DACH1: variants seen among roughly 807,000 people sequenced by gnomAD.
The protein encoded by DACH1 is dachshund homolog 1.
A neutral mutation model predicts 54.2 loss-of-function variants in DACH1; 12 were observed. The ratio of observed to expected loss-of-function variants is 0.22; its 90% CI spans 0.14 to 0.36. DACH1 has a LOEUF of 0.36. Ranked by LOEUF, DACH1 falls within the 10% of genes least tolerant of loss-of-function variation. The pLI is 1.00. For synonymous variants in DACH1, 386 were observed against 366.2 expected (o/e 1.05, Z -0.62); for missense variants, 805 against 929.8 (o/e 0.87, Z 1.75).
intron 1 of DACH1, among the ~76,000 whole-genome samples, chr13:71,760,244 AG>A (rs1390943971): frequency 7.9e-5 from 12 of 152,186 alleles, no homozygotes; most frequent in Non-Finnish European, 1.6e-4. Context: ...TGCTGAGAGG[AG>A]GGGGTTCTTT....
chr13:71,866,526 TGCCGCCGCC>T lies in DACH1; in HGVS notation c.235_243del (p.Gly79_Gly81del), dbSNP rs748058171. Reference sequence around the variant, plus strand: ...CCGCTGCTGCCGCCGCCGCCTCCGCTGCCGCCGCCGCCGCCGCCGCCGCCGGTAGAGGTG... The same window carrying T: ...CCGCTGCTGCCGCCGCCGCCTCCGCTGCCGCCGCCGCCGCCGGTAGAGGTG... On this transcript the variant is annotated inframe_deletion, in exon 1 of 11. Coordinates refer to ENST00000613252, the MANE Select transcript of DACH1 (RefSeq NM_080759.6). The T allele has an allele frequency of 0.044, 53,801 of 1,233,878 alleles. 1,382 individuals are homozygous for T. Among genetic ancestry groups the T allele is most frequent in the Middle Eastern group, 0.08 (258 of 3,238 alleles). The allele number at this position is 1,233,878 out of a possible 1,614,324, so 76.4% of individuals were successfully genotyped here. A position where few individuals can be genotyped will look rare whatever the true frequency, so the allele number is the denominator to read the frequency against.
intron 6 of DACH1, among the ~76,000 whole-genome samples, chr13:71,492,887 C>A (rs1879103893): frequency 6.6e-6 from 1 of 151,826 alleles, no homozygotes; most frequent in Non-Finnish European, 1.5e-5. Context: ...AAACACAGTC[C>A]AAAATCAGCA....
At chr13:71,714,794 T>A (rs1210110199) in intron 1 of DACH1, among the ~76,000 whole-genome samples, 2 of 152,088 alleles carry the variant, frequency 1.3e-5, no homozygotes, top group Non-Finnish European at 2.9e-5. Context: ...AGAGAGATTT[T>A]TTAAAAATGT....
At chr13:71,642,106 C>A (rs1165085869) in intron 2 of DACH1, among the ~76,000 whole-genome samples, 1 of 152,140 alleles carries the variant, frequency 6.6e-6, no homozygotes, top group Non-Finnish European at 1.5e-5. Context: ...AGCAAATCTT[C>A]AATTTTCCTA....
At chr13:71,562,933 C>T (rs551413285) in intron 4 of DACH1, among the ~76,000 whole-genome samples, 1 of 152,008 alleles carries the variant, frequency 6.6e-6, no homozygotes, top group Non-Finnish European at 1.5e-5. Flanking sequence ...ATAGAGGATG[C>T]ATTTATAAGG....
chr13:71,471,351 C>A (rs1877054390), intron 10 of DACH1, among the ~76,000 whole-genome samples: 2 of 152,018 alleles, frequency 1.3e-5, no homozygotes, highest in South Asian at 2.1e-4. Flanking sequence ...GTGCACTGAA[C>A]TTTTGGGTCT....
chr13:71,630,807 T>C (rs1025703317), intron 2 of DACH1, 90 bp from the exon 3 acceptor site: 2 of 1,371,494 alleles, frequency 1.5e-6, no homozygotes, highest in African/African-American at 2.9e-5. Flanking sequence ...ATACAAACAT[T>C]TATTAGAGTA....
At chr13:71,628,211 T>C (rs1364046039) in intron 3 of DACH1, among the ~76,000 whole-genome samples, 2 of 152,008 alleles carry the variant, frequency 1.3e-5, no homozygotes, top group Non-Finnish European at 2.9e-5. Context: ...AATTCAGGAA[T>C]TGCTTTGATC....
intron 6 of DACH1, among the ~76,000 whole-genome samples, chr13:71,550,945 G>T (rs1190457362): frequency 6.6e-6 from 1 of 152,040 alleles, no homozygotes; most frequent in Non-Finnish European, 1.5e-5. Flanking sequence ...GCGTGTTAGA[G>T]AATTTTACAA....
Position 71,475,862 on chromosome 13 carries a change from G to T in DACH1, c.1871-13C>A, listed in dbSNP as rs1261112677. 6.5e-7 allele frequency: 1 copy of T among 1,548,792 alleles called. No individual in the cohort carries two copies. The highest frequency in any genetic ancestry group is 8.7e-7 in the Non-Finnish European group (1 of 1,150,026). Reference sequence around the variant, plus strand: ...TTTTGAACTATGGCTAAAAAAGAGTGTATGCATATTATTATTATTATTTTT... The same window carrying T: ...TTTTGAACTATGGCTAAAAAAGAGTTTATGCATATTATTATTATTATTTTT... On this transcript the variant is annotated splice_polypyrimidine_tract_variant and intron_variant, in intron 8 of 10. Transcript: ENST00000613252.
At chr13:71,506,492 T>G (rs1392414635) in intron 6 of DACH1, among the ~76,000 whole-genome samples, 1 of 151,906 alleles carries the variant, frequency 6.6e-6, no homozygotes, top group Non-Finnish European at 1.5e-5. Flanking sequence ...CTGCATAGTA[T>G]TCCATGGTAT....
At chr13:71,726,790 T>C (rs1883488639) in intron 1 of DACH1, among the ~76,000 whole-genome samples, 1 of 151,662 alleles carries the variant, frequency 6.6e-6, no homozygotes, top group Non-Finnish European at 1.5e-5. Flanking sequence ...TTTAAATGTT[T>C]ATCTATCTAA....
At chr13:71,719,696 C>T (rs1464733257) in intron 1 of DACH1, among the ~76,000 whole-genome samples, 2 of 151,976 alleles carry the variant, frequency 1.3e-5, no homozygotes, top group African/African-American at 2.4e-5. Context: ...GAAACCCCAT[C>T]ACTACAAAAA....
intron 1 of DACH1, among the ~76,000 whole-genome samples, chr13:71,778,107 T>C (rs921176757): frequency 9.6e-5 from 14 of 146,580 alleles, no homozygotes; most frequent in Middle Eastern, 3.3e-3. Context: ...AATAAATAAA[T>C]AAATAAATAA....
chr13:71,658,716 T>C (rs905894736), intron 2 of DACH1, among the ~76,000 whole-genome samples: 5 of 152,208 alleles, frequency 3.3e-5, no homozygotes, highest in African/African-American at 1.2e-4. Context: ...CAACATTGTA[T>C]TCCAAAAACT....
intron 1 of DACH1, among the ~76,000 whole-genome samples, chr13:71,709,272 T>C (rs1882599754): frequency 6.6e-6 from 1 of 152,206 alleles, no homozygotes; most frequent in Non-Finnish European, 1.5e-5. Flanking sequence ...AAATGCGTTA[T>C]ATATACAGTA....
chr13:71,497,696 A>T (rs983213149), intron 6 of DACH1, among the ~76,000 whole-genome samples: 3 of 152,132 alleles, frequency 2.0e-5, no homozygotes, highest in Non-Finnish European at 2.9e-5. Context: ...TATAATGTTG[A>T]TGAAAGAATT....
intron 1 of DACH1, among the ~76,000 whole-genome samples, chr13:71,738,017 G>A (rs984604416): frequency 1.3e-5 from 2 of 152,136 alleles, no homozygotes; most frequent in African/African-American, 2.4e-5. Flanking sequence ...TCAGTAATGG[G>A]ACAAATACTA....
chr13:71,866,819 C>CCA lies in DACH1; in HGVS notation c.-52_-51dup. The CCA allele has an allele frequency of 7.8e-7, 1 of 1,282,858 alleles. No homozygotes were observed. Among genetic ancestry groups the CCA allele is most frequent in the Non-Finnish European group, 9.9e-7 (1 of 1,008,216 alleles). 79.5% of individuals were successfully genotyped at this position (1,282,858 alleles called of 1,614,324 possible). On this transcript the variant is annotated 5_prime_UTR_variant, in exon 1 of 11. Transcript: ENST00000613252. ...GGAGGAGAAGCGAGAGGAAAAGTTG[C>CCA]CACACACCCCCGGGAGGGGAAGGGG...
Sources: allele counts gnomAD v4.1 joint callset (sites outside exome capture counted in the v4.1 genomes callset), GRCh38; gene constraint gnomAD v4.1.1; transcripts MANE v1.5; gene names NCBI Gene and HGNC (gene_info 2026-07-23, HGNC 2026-07-21).